TMEM67: variants seen among roughly 807,000 people sequenced by gnomAD.
The protein encoded by TMEM67 is transmembrane protein 67.
A neutral mutation model predicts 136.6 loss-of-function variants in TMEM67; 124 were observed. The observed-to-expected ratio is 0.91, with a 90% CI of 0.78 to 1.05. The LOEUF (loss-of-function observed/expected upper bound fraction) is 1.05, where lower values mean the gene tolerates loss of function less well. TMEM67 is among the 50% of genes least tolerant of loss of function. TMEM67 has a pLI of 0.00. For missense variants in TMEM67, 1,107 were observed against 1,178.4 expected (o/e 0.94, Z 0.89); for synonymous variants, 364 against 390.5 (o/e 0.93, Z 0.80).
chr8:93,763,915 T>A lies in TMEM67; in HGVS notation c.480T>A (p.Phe160Leu). The A allele has an allele frequency of 6.2e-7, 1 of 1,613,592 alleles. No homozygotes were observed. Among genetic ancestry groups the A allele is most frequent in the Non-Finnish European group, 8.5e-7 (1 of 1,179,562 alleles). ...CELCDGNENS[F>L]MVVNALGDRC... ...TCTGTGATGGAAATGAAAACTCTTT[T>A]ATGGTAGTAAATGCTTTAGGAGACA... The change falls in exon 4 of 28, where the codon TTT becomes TTA. Residue 160 changes from phenylalanine (F) to leucine (L), a missense_variant. Physicochemically the swap from Phe to Leu is conservative, Grantham distance 22. Coordinates refer to ENST00000453321, the MANE Select transcript of TMEM67 (RefSeq NM_153704.6).
chr8:93,789,131 T>G (rs1814255939), intron 14 of TMEM67, among the ~76,000 whole-genome samples: 1 of 152,214 alleles, frequency 6.6e-6, no homozygotes, highest in African/African-American at 2.4e-5. Context: ...ATTTCTACTA[T>G]TTTACTTCTG....
At chr8:93,800,155 T>A (rs1001627018) in intron 21 of TMEM67, among the ~76,000 whole-genome samples, 1 of 151,960 alleles carries the variant, frequency 6.6e-6, no homozygotes. Flanking sequence ...AGGTGATCCA[T>A]CCTCCTCACC....
intron 6 of TMEM67, chr8:93,769,745 C>T (rs962788117): frequency 1.2e-5 from 2 of 163,050 alleles, no homozygotes; most frequent in African/African-American, 2.4e-5. Context: ...AGTAATTAAA[C>T]TTAGACGAGA....
chr8:93,771,938 C>T (rs780234091), intron 6 of TMEM67, among the ~76,000 whole-genome samples: 3 of 152,096 alleles, frequency 2.0e-5, no homozygotes, highest in Admixed American at 6.5e-5. Context: ...ACGTGTGTGC[C>T]CAGACGATTT....
intron 27 of TMEM67, 24 bp downstream of exon 27, chr8:93,815,471 A>G (rs1808871939): frequency 2.5e-6 from 4 of 1,578,702 alleles, no homozygotes; most frequent in South Asian, 1.1e-5. Context: ...ATTTTTCTAC[A>G]TTTTCCTTCA....
Position 93,795,506 on chromosome 8 carries a change from A to C in TMEM67, c.1772A>C (p.Lys591Thr). The change falls in exon 17 of 28, where the codon AAA becomes ACA. Residue 591 changes from lysine to threonine, a missense_variant and splice_region_variant. This residue lies in a region of TMEM67 where 925 missense variants were observed against 1,002.4 expected (regional missense o/e 0.92). Transcript: ENST00000453321. ...GGTCTTTACTGGCTTATTTTCTTCA[A>C]AGTGAGTGAGTTTCTGAATTTTCCC... is the stretch of plus-strand genomic sequence containing the variant. ...GTGLYWLIFF[K>T]AQKSVSVLLP... The C allele has an allele frequency of 6.2e-7, 1 of 1,612,202 alleles. No individual in the cohort carries two copies. The highest frequency in any genetic ancestry group is 1.3e-5 in the African/African-American group (1 of 75,002).
downstream of TMEM67, among the ~76,000 whole-genome samples, chr8:93,823,502 G>A (rs1809069541): frequency 6.6e-6 from 1 of 151,928 alleles, no homozygotes; most frequent in African/African-American, 2.4e-5. Context: ...CATAAAACTA[G>A]CATACTTAAC....
chr8:93,777,729 C>G (rs113421579), intron 7 of TMEM67, among the ~76,000 whole-genome samples: 2,784 of 152,126 alleles, frequency 0.018, 85 homozygotes, highest in African/African-American at 0.061. Flanking sequence ...AGTTTGTTGT[C>G]ATTTCTGTTC....
At chr8:93,804,558 A>G (rs1304618408) in intron 22 of TMEM67, among the ~76,000 whole-genome samples, 1 of 137,832 alleles carries the variant, frequency 7.3e-6, no homozygotes, top group Non-Finnish European at 1.5e-5. Flanking sequence ...CTTGGAAAAT[A>G]TCTTCAATCT....
At chr8:93,767,770 T>C (rs1813140566) in intron 6 of TMEM67, among the ~76,000 whole-genome samples, 1 of 151,912 alleles carries the variant, frequency 6.6e-6, no homozygotes, top group Admixed American at 6.6e-5. Context: ...TTTGAACATT[T>C]GCTTACTTTA....
the TMEM67 span, among the ~76,000 whole-genome samples, chr8:93,825,396 C>T: frequency 6.6e-6 from 1 of 152,046 alleles, no homozygotes. Context: ...ATTGAGTGTC[C>T]AAAATAAAGG....
intron 6 of TMEM67, among the ~76,000 whole-genome samples, chr8:93,767,932 C>G (rs1231212908): frequency 7.1e-6 from 1 of 141,400 alleles, no homozygotes; most frequent in Non-Finnish European, 1.5e-5. Context: ...ATGGCGCAAT[C>G]TTAGCTCACC....
intron 2 of TMEM67, chr8:93,756,174 A>T: frequency 3.8e-6 from 1 of 263,130 alleles, no homozygotes; most frequent in Non-Finnish European, 7.2e-6. Flanking sequence ...GCATATATAG[A>T]GCAGTCTGGG....
In TMEM67 at chr8:93,816,563, T is replaced by A. The variant is rs754934599; in HGVS notation, c.*111T>A. Reference sequence around the variant, plus strand: ...AACTTATAATGCAGACTATTCTGTTTTTGTTTTTTATTTGCAGAAAGATTT... The same window carrying A: ...AACTTATAATGCAGACTATTCTGTTATTGTTTTTTATTTGCAGAAAGATTT... On this transcript the variant is annotated 3_prime_UTR_variant, in exon 28 of 28. Transcript: ENST00000453321. 3 of 580,832 alleles carry A rather than the reference T, an allele frequency of 5.2e-6. No individual in the cohort carries two copies. In the Admixed American group the frequency reaches 9.1e-5, roughly 18 times the overall value. The allele number at this position is 580,832 out of a possible 1,614,324, so 36.0% of individuals were successfully genotyped here.
intron 6 of TMEM67, among the ~76,000 whole-genome samples, chr8:93,768,794 C>T (rs918750078): frequency 1.3e-5 from 2 of 152,018 alleles, no homozygotes; most frequent in African/African-American, 4.8e-5. Flanking sequence ...AACCCCCTCA[C>T]TTTCTATTCC....
At chr8:93,757,823 C>T (rs954884493) in intron 2 of TMEM67, among the ~76,000 whole-genome samples, 12 of 151,038 alleles carry the variant, frequency 7.9e-5, no homozygotes, top group African/African-American at 2.7e-4. Flanking sequence ...TGCAGTGGCA[C>T]GATCTCAGCT....
intron 16 of TMEM67, among the ~76,000 whole-genome samples, chr8:93,794,158 G>A (rs1056003559): frequency 2.0e-5 from 3 of 152,098 alleles, no homozygotes; most frequent in African/African-American, 7.2e-5. Flanking sequence ...CCAAAGTGCT[G>A]GGATTACAGG....
chr8:93,804,374 G>A (rs1000649347), intron 22 of TMEM67, among the ~76,000 whole-genome samples: 4 of 118,108 alleles, frequency 3.4e-5, no homozygotes, highest in African/African-American at 9.9e-5. Context: ...GACTACAGTC[G>A]TGCAGTCGTA....
chr8:93,810,245 A>C (rs1321450719), intron 26 of TMEM67, among the ~76,000 whole-genome samples: 2 of 148,164 alleles, frequency 1.3e-5, no homozygotes, highest in Non-Finnish European at 3.0e-5. Flanking sequence ...CTGGGATTAC[A>C]GGCATGAGCC....
Sources: gnomAD v4.1 joint callset for allele counts (sites outside exome capture counted in the v4.1 genomes callset) on GRCh38, gnomAD v4.1.1 for gene constraint, gnomAD v4.1.1 regional missense constraint, MANE v1.5 for transcripts, NCBI Gene and HGNC (gene_info 2026-07-23, HGNC 2026-07-21) for gene names.